Variants in CFAP276 observed in about 807,000 individuals in gnomAD.
CFAP276 encodes cilia- and flagella-associated protein 276.
At chr1:109,106,634 A>T in the CFAP276 span, 1 of 1,613,964 alleles carries the variant, frequency 6.2e-7, no homozygotes, top group Non-Finnish European at 8.5e-7. Context: ...GGGGTTAAAA[A>T]TTCTCCAGGG....
the CFAP276 span, among the ~76,000 whole-genome samples, chr1:109,110,117 A>G: frequency 6.6e-6 from 1 of 152,214 alleles, no homozygotes; most frequent in South Asian, 2.1e-4. Flanking sequence ...CAGGGAAAGG[A>G]AAGTCCCTTT....
At chr1:109,110,396 GT>G in the CFAP276 span, among the ~76,000 whole-genome samples, 2 of 152,146 alleles carry the variant, frequency 1.3e-5, no homozygotes, top group African/African-American at 4.8e-5. Context: ...GCTCTTGCTA[GT>G]TATCAATGAT....
chr1:109,110,565 C>T, the CFAP276 span, among the ~76,000 whole-genome samples: 4 of 152,330 alleles, frequency 2.6e-5, no homozygotes, highest in East Asian at 1.9e-4. Flanking sequence ...TATCTCTCAG[C>T]TACTGTCTCA....
chr1:109,112,696 C>G, the CFAP276 span: 2 of 1,549,584 alleles, frequency 1.3e-6, no homozygotes, highest in South Asian at 1.2e-5. Flanking sequence ...ATGCCTAACT[C>G]TTTTAAGAGG....
chr1:109,113,469 G>GAGAGAGGGAGA, the CFAP276 span, among the ~76,000 whole-genome samples: 1 of 74,936 alleles, frequency 1.3e-5, no homozygotes, highest in African/African-American at 7.6e-5. Flanking sequence ...AGAGAGAGAG[G>GAGAGAGGGAGA]CCCACGTGCG....
At chr1:109,108,085 C>T in the CFAP276 span, 2 of 1,364,906 alleles carry the variant, frequency 1.5e-6, no homozygotes, top group Admixed American at 3.4e-5. Flanking sequence ...TACGGGAAGC[C>T]TTGCTGATGT....
the CFAP276 span, chr1:109,108,021 T>C: frequency 1.2e-6 from 2 of 1,605,714 alleles, no homozygotes; most frequent in Non-Finnish European, 1.7e-6. Context: ...GTGTGTTGGG[T>C]TCTTATATGG....
chr1:109,107,043 A>G, the CFAP276 span: 3 of 1,614,070 alleles, frequency 1.9e-6, no homozygotes, highest in Non-Finnish European at 2.5e-6. Flanking sequence ...GTTTAACAGT[A>G]TCTCACTTTT....
chr1:109,113,467 A>AGAGAGAGAGAGAGAGAGAGG, the CFAP276 span, among the ~76,000 whole-genome samples: 71 of 126,394 alleles, frequency 5.6e-4, 7 homozygotes, highest in Non-Finnish European at 9.5e-4. Context: ...AGAGAGAGAG[A>AGAGAGAGAGAGAGAGAGAGG]GGCCCACGTG....
At chr1:109,113,573 G>C in the CFAP276 span, 5 of 1,561,666 alleles carry the variant, frequency 3.2e-6, no homozygotes, top group Non-Finnish European at 4.4e-6. Context: ...GTAAAAGCAC[G>C]GATGGATTTG....
the CFAP276 span, among the ~76,000 whole-genome samples, chr1:109,113,390 CTCAGAGAGAGAGAGAGAGAGAGAGAA>C: frequency 7.4e-4 from 67 of 90,520 alleles, 5 homozygotes; most frequent in African/African-American, 3.1e-3. Context: ...GAGACCCTGT[CTCAGAGAGAGAGAGAGAGAGAGAGAA>C]AGAGAGAGAG....
the CFAP276 span, chr1:109,107,227 C>T: frequency 1.2e-5 from 10 of 817,824 alleles, no homozygotes; most frequent in African/African-American, 1.7e-5. Flanking sequence ...TGAAGGCTCT[C>T]TTGGGCCTGA....
chr1:109,106,748 A>C, the CFAP276 span: 151 of 1,441,628 alleles, frequency 1.0e-4, no homozygotes, highest in African/African-American at 2.0e-3. Flanking sequence ...GATCTCAAGA[A>C]TAAAGCAGCC....
chr1:109,106,610 T>C, the CFAP276 span: 10 of 1,613,910 alleles, frequency 6.2e-6, no homozygotes, highest in African/African-American at 1.3e-5. Context: ...AGGAAAGTGA[T>C]GGGTGGAGTG....
At chr1:109,107,409 GTT>G in the CFAP276 span, among the ~76,000 whole-genome samples, 2 of 152,152 alleles carry the variant, frequency 1.3e-5, no homozygotes, top group Admixed American at 6.5e-5. Context: ...TTCAGTCCTT[GTT>G]TTAGTTAGAG....
the CFAP276 span, chr1:109,107,958 G>A: frequency 6.2e-7 from 1 of 1,603,496 alleles, no homozygotes; most frequent in Non-Finnish European, 8.5e-7. Context: ...CCTCATGGAA[G>A]TAATTGTGGG....
At chr1:109,111,230 G>A in the CFAP276 span, among the ~76,000 whole-genome samples, 7 of 152,194 alleles carry the variant, frequency 4.6e-5, no homozygotes, top group Non-Finnish European at 7.3e-5. Context: ...ACTTTGGGAG[G>A]CCAAAGCAGG....
chr1:109,113,416 A>AGAGAGAGGAGAGAGAGAGAGAGAGAG, the CFAP276 span, among the ~76,000 whole-genome samples: 1 of 68,080 alleles, frequency 1.5e-5, no homozygotes, highest in Non-Finnish European at 2.6e-5. Flanking sequence ...GAGAGAGAGA[A>AGAGAGAGGAGAGAGAGAGAGAGAGAG]AGAGAGAGAG....
chr1:109,113,416 A>AAGAGAGAGAG, the CFAP276 span, among the ~76,000 whole-genome samples: 267 of 68,070 alleles, frequency 3.9e-3, 15 homozygotes, highest in African/African-American at 4.3e-3. Context: ...GAGAGAGAGA[A>AAGAGAGAGAG]AGAGAGAGAG....
Sources: gnomAD v4.1 joint callset for allele counts (sites outside exome capture counted in the v4.1 genomes callset) on GRCh38, gnomAD v4.1.1 for gene constraint, MANE v1.5 for transcripts, NCBI Gene and HGNC (gene_info 2026-07-23, HGNC 2026-07-21) for gene names.